Variants in AFTPH observed in about 807,000 individuals in gnomAD.
AFTPH encodes aftiphilin.
AFTPH carries 7 observed loss-of-function variants against 72.5 expected under a neutral mutation model. The observed-to-expected ratio is 0.10, with a 90% CI of 0.05 to 0.18. The LOEUF is 0.18. AFTPH is among the 10% of genes least tolerant of loss of function. AFTPH has a pLI of 1.00. For synonymous variants in AFTPH, 337 were observed against 370.1 expected, an observed-to-expected ratio of 0.91 and a Z score of 1.03; for missense variants, 979 against 1,060.5, an observed-to-expected ratio of 0.92 and a Z score of 1.07.
chr2:64,526,356 G>T (rs1364102447), intron 1 of AFTPH, among the ~76,000 whole-genome samples: 1 of 152,146 alleles, frequency 6.6e-6, no homozygotes, highest in Non-Finnish European at 1.5e-5. Flanking sequence ...TTCCTCAGCA[G>T]GCAAAGTCTT....
chr2:64,535,206 C>T lies in AFTPH; in HGVS notation c.-33+10594C>T, dbSNP rs564505976. 1.6e-4 allele frequency among the ~76,000 whole-genome samples: 25 copies of T among 152,288 alleles called. No homozygotes were observed. In the East Asian group the frequency reaches 2.7e-3, roughly 16 times the overall value. ...CAGTTTAGAAACATTTATGTCATCC[C>T]TGGAGTTATAAAGTCCATTGGCATT... is the stretch of plus-strand genomic sequence containing the variant. On this transcript the variant is annotated intron_variant, in intron 1 of 8. Coordinates refer to ENST00000238856, the Ensembl canonical transcript of AFTPH.
intron 1 of AFTPH, among the ~76,000 whole-genome samples, chr2:64,541,248 A>C (rs1292711420): frequency 6.6e-6 from 1 of 152,178 alleles, no homozygotes; most frequent in Non-Finnish European, 1.5e-5. Context: ...ACATGGAGTG[A>C]AAACACGTGG....
chr2:64,591,854 T>C, intron 8 of AFTPH, 34 bp from the exon 10 acceptor site: 3 of 1,611,944 alleles, frequency 1.9e-6, no homozygotes, highest in Non-Finnish European at 2.5e-6. Flanking sequence ...CAAAGTCACA[T>C]TAACACACTT....
rs75826301 is a variant in AFTPH at position 64,591,184 on chromosome 2, C to T, written c.2580-701C>T. 9.2e-3 allele frequency among the ~76,000 whole-genome samples: 1,405 copies of T among 152,342 alleles called. 27 individuals are homozygous for T. The highest frequency in any genetic ancestry group is 0.032 in the African/African-American group (1,313 of 41,580). Reference sequence around the variant, plus strand: ...CTTGTCTGTGTTAGGCACCAAACTGCTAATTTCCCATATCGGGGGCCAGTG... The same window carrying T: ...CTTGTCTGTGTTAGGCACCAAACTGTTAATTTCCCATATCGGGGGCCAGTG... On this transcript the variant is annotated intron_variant, in intron 8 of 8. Transcript: ENST00000238856.
intron 7 of AFTPH, chr2:64,580,243 A>C (rs1377688759): frequency 6.5e-6 from 1 of 152,688 alleles, no homozygotes; most frequent in African/African-American, 2.4e-5. Context: ...GTGGATCCCA[A>C]GATGTAATTG....
At chr2:64,586,638 A>G (rs1443855220) in intron 8 of AFTPH, among the ~76,000 whole-genome samples, 1 of 152,208 alleles carries the variant, frequency 6.6e-6, no homozygotes, top group African/African-American at 2.4e-5. Flanking sequence ...ACTTTTCCCT[A>G]GAATGGCTTT....
chr2:64,535,375 T>A (rs1669832864), intron 1 of AFTPH, among the ~76,000 whole-genome samples: 1 of 152,154 alleles, frequency 6.6e-6, no homozygotes, highest in Non-Finnish European at 1.5e-5. Flanking sequence ...TGAGAACCTA[T>A]TAGGGGAAAA....
At chr2:64,546,411 A>G (rs553288004) in intron 1 of AFTPH, among the ~76,000 whole-genome samples, 63 of 152,308 alleles carry the variant, frequency 4.1e-4, no homozygotes, top group Non-Finnish European at 8.2e-4. Context: ...GGATTATTCA[A>G]ATTGTCTAAT....
At chr2:64,567,625 G>T (rs1239701117) in exon 3 of AFTPH, 2 of 1,613,638 alleles carry the variant, frequency 1.2e-6, no homozygotes, top group African/African-American at 2.7e-5. Context: ...ACTTGTCCCT[G>T]ATGCTGAAGA....
At chr2:64,567,977 C>T (rs1048565674) in intron 3 of AFTPH, among the ~76,000 whole-genome samples, 6 of 151,494 alleles carry the variant, frequency 4.0e-5, no homozygotes, top group Admixed American at 1.3e-4. Context: ...ACCCAGAAGA[C>T]GGAGGTTGCA....
At chr2:64,541,812 A>T (rs999064754) in intron 1 of AFTPH, among the ~76,000 whole-genome samples, 6 of 152,054 alleles carry the variant, frequency 3.9e-5, no homozygotes, top group African/African-American at 1.4e-4. Flanking sequence ...TTTTTCCTTC[A>T]CTCACCCAAG....
chr2:64,592,115 T>TTAAA (rs1673865222), exon 9 of AFTPH: 2 of 847,348 alleles, frequency 2.4e-6, no homozygotes, highest in Admixed American at 7.6e-5. Flanking sequence ...CTGCTCTAAT[T>TTAAA]AAAAAAAAAA....
intron 2 of AFTPH, among the ~76,000 whole-genome samples, chr2:64,559,702 C>T (rs564981226): frequency 1.1e-4 from 16 of 152,198 alleles, no homozygotes; most frequent in African/African-American, 1.9e-4. Context: ...AACATGTTTT[C>T]GCGTTCTTTG....
intron 1 of AFTPH, among the ~76,000 whole-genome samples, chr2:64,545,340 A>G (rs1259611511): frequency 6.6e-6 from 1 of 151,762 alleles, no homozygotes; most frequent in Non-Finnish European, 1.5e-5. Context: ...GAAAACTTAC[A>G]TGCCCACAAA....
At chr2:64,567,368 A>T (rs975164195) in intron 2 of AFTPH, among the ~76,000 whole-genome samples, 194 bp from the exon 3 acceptor site, 2 of 152,228 alleles carry the variant, frequency 1.3e-5, no homozygotes, top group Non-Finnish European at 2.9e-5. Context: ...GTAGCTCATC[A>T]TCATCATTTA....
At chr2:64,558,926 T>G (rs1001004347) in intron 2 of AFTPH, among the ~76,000 whole-genome samples, 9 of 152,032 alleles carry the variant, frequency 5.9e-5, no homozygotes, top group African/African-American at 2.2e-4. Flanking sequence ...GACAATCTAA[T>G]GTACACATCT....
intron 1 of AFTPH, among the ~76,000 whole-genome samples, chr2:64,527,253 C>T (rs1669327946): frequency 6.6e-6 from 1 of 151,960 alleles, no homozygotes; most frequent in African/African-American, 2.4e-5. Flanking sequence ...CTTTTTTCTC[C>T]CTAAGGTTTG....
intron 1 of AFTPH, among the ~76,000 whole-genome samples, chr2:64,531,080 AAC>A (rs1491083386): frequency 4.9e-4 from 71 of 144,222 alleles, no homozygotes; most frequent in African/African-American, 1.5e-3. Context: ...AAAAAAAAAA[AAC>A]ACCACAAAAT....
At chr2:64,525,014 C>T (rs1410376284) in intron 1 of AFTPH, among the ~76,000 whole-genome samples, 1 of 152,240 alleles carries the variant, frequency 6.6e-6, no homozygotes, top group Non-Finnish European at 1.5e-5. Flanking sequence ...CTTCCCCCTC[C>T]CTCGTGACAG....
Sources: allele counts gnomAD v4.1 joint callset (sites outside exome capture counted in the v4.1 genomes callset), GRCh38; gene constraint gnomAD v4.1.1; transcripts MANE v1.5; gene names NCBI Gene and HGNC (gene_info 2026-07-23, HGNC 2026-07-21).